Variants in TCEAL1 observed in about 807,000 individuals in gnomAD.
The protein encoded by TCEAL1 is transcription elongation factor A protein-like 1.
For missense variants in TCEAL1, 82 were observed against 125.9 expected, an observed-to-expected ratio of 0.65 and a Z score of 1.67; for synonymous variants, 48 against 46.0, an observed-to-expected ratio of 1.04 and a Z score of -0.17.
At position 103,630,605 on chromosome X, in the gene TCEAL1, C is replaced by T; in HGVS notation, c.*209C>T. On this transcript the variant is annotated 3_prime_UTR_variant, in exon 3 of 3. Transcript: ENST00000372625. ...TTCCCTCTTTCAGTCATGAGCCCTA[C>T]ACATTTGCATGAAAGATGTACATTA... 2 of 405,744 alleles carry T rather than the reference C, an allele frequency of 4.9e-6. No individual in the cohort carries two copies. Among genetic ancestry groups the T allele is most frequent in the South Asian group, 6.4e-5 (1 of 15,720 alleles). The allele number at this position is 405,744 out of a possible 1,213,427, so 33.4% of individuals were successfully genotyped here.
Position 103,630,156 on chromosome X carries a change from G to A in TCEAL1, c.240G>A (p.Glu80=). The part of the protein sequence containing the change: ...QEGLSRKDLF[E]GRPPMEQPPC... ...GTCTTTCCAGGAAGGACCTGTTTGA[G>A]GGGCGCCCTCCCATGGAGCAGCCTC... Residue 80 remains glutamate (E), a synonymous_variant, in exon 3 of 3, where the codon GAG becomes GAA. Transcript: ENST00000372625. The A allele has an allele frequency of 8.3e-7, 1 of 1,211,979 alleles. No individual in the cohort carries two copies. The highest frequency in any genetic ancestry group is 1.8e-5 in the South Asian group (1 of 56,983).
Position 103,629,873 on chromosome X carries a change from T to A in TCEAL1, c.-32-12T>A, listed in dbSNP as rs1305289856. ...GTATTCTGACTCTATTCTGCCTTTCTTGTCTCCTAAGAATAACTGTGCTTG... is the reference window on the plus strand; with the variant it reads ...GTATTCTGACTCTATTCTGCCTTTCATGTCTCCTAAGAATAACTGTGCTTG... On this transcript the variant is annotated splice_polypyrimidine_tract_variant and intron_variant, in intron 2 of 2. Coordinates refer to ENST00000372625, the MANE Select transcript of TCEAL1 (RefSeq NM_004780.3). 1 of 1,104,457 alleles carries A rather than the reference T, an allele frequency of 9.1e-7. No homozygotes were observed. The highest frequency in any genetic ancestry group is 2.3e-5 in the South Asian group (1 of 43,647). 91.0% of individuals were successfully genotyped at this position (1,104,457 alleles called of 1,213,427 possible).
rs2073721060 is a variant in TCEAL1 at position 103,630,910 on chromosome X, G to A, written c.*514G>A. The A allele has an allele frequency of 8.1e-6, 1 of 123,234 alleles. No individual in the cohort carries two copies. Among genetic ancestry groups the A allele is most frequent in the African/African-American group, 3.3e-5 (1 of 30,726 alleles). The allele number at this position is 123,234 out of a possible 1,213,427, so 10.2% of individuals were successfully genotyped here. On this transcript the variant is annotated 3_prime_UTR_variant, in exon 3 of 3. Transcript: ENST00000372625. Reference sequence around the variant, plus strand: ...AGAAAACTGTCAATCAGCTTATAACGACAATGTGGCACTTAATAAATACTT... The same window carrying A: ...AGAAAACTGTCAATCAGCTTATAACAACAATGTGGCACTTAATAAATACTT...
chrX:103,630,219 C>T lies in TCEAL1; in HGVS notation c.303C>T (p.Ser101=). 7 of 1,211,823 alleles carry T rather than the reference C, an allele frequency of 5.8e-6. No individual in the cohort carries two copies. The highest frequency in any genetic ancestry group is 7.8e-6 in the Non-Finnish European group (7 of 895,530). ...GVGKHKLEEG[S]FKERLARSRP... ...GAAAACATAAGCTTGAAGAAGGAAG[C>T]TTTAAAGAAAGGTTGGCTCGTTCTC... The change falls in exon 3 of 3, where the codon AGC becomes AGT. Residue 101 remains serine, a synonymous_variant. Transcript: ENST00000372625.
upstream of TCEAL1, chrX:103,628,826 G>T: frequency 1.8e-5 from 2 of 111,482 alleles, no homozygotes; most frequent in Non-Finnish European, 3.8e-5. Context: ...TCTCGGGTCA[G>T]AGAACACTAG....
chrX:103,630,599 G>C lies in TCEAL1; in HGVS notation c.*203G>C, dbSNP rs1309564413. The C allele has an allele frequency of 2.6e-5, 11 of 420,560 alleles. 1 individual carries two copies. The East Asian group carries it at 4.2e-4, about 16-fold the overall frequency. The allele number at this position is 420,560 out of a possible 1,213,427, so 34.7% of individuals were successfully genotyped here. On this transcript the variant is annotated 3_prime_UTR_variant, in exon 3 of 3. Coordinates refer to ENST00000372625, the MANE Select transcript of TCEAL1 (RefSeq NM_004780.3). Reference sequence around the variant, plus strand: ...ACAAGTTTCCCTCTTTCAGTCATGAGCCCTACACATTTGCATGAAAGATGT... The same window carrying C: ...ACAAGTTTCCCTCTTTCAGTCATGACCCCTACACATTTGCATGAAAGATGT...
chrX:103,629,723 C>G, intron 2 of TCEAL1, 150 bp downstream of exon 2: 1 of 436,866 alleles, frequency 2.3e-6, no homozygotes, highest in Non-Finnish European at 3.6e-6. Flanking sequence ...AGGGGGCGAC[C>G]GGGAAGCGGC....
At position 103,629,922 on chromosome X, in the gene TCEAL1, C is replaced by T. The variant is rs184713983; in HGVS notation, c.6C>T (p.Asp2=). The T allele has an allele frequency of 9.3e-4, 1,053 of 1,133,750 alleles. No individual in the cohort carries two copies. Among genetic ancestry groups the T allele is most frequent in the Admixed American group, 1.9e-3 (62 of 31,819 alleles). 93.4% of individuals were successfully genotyped at this position (1,133,750 alleles called of 1,213,427 possible). The part of the protein sequence containing the change: M[D]KPRKENEEEP... ...TGAAGAAGAAAATTCCCAACATGGA[C>T]AAACCACGCAAAGAAAATGAAGAAG... Residue 2 remains aspartate (D), a synonymous_variant, in exon 3 of 3, where the codon GAC becomes GAT. Transcript: ENST00000372625.
chrX:103,630,143 A>T lies in TCEAL1; in HGVS notation c.227A>T (p.Lys76Met). ...ERPPQEGLSR[K>M]DLFEGRPPME... ...CCTCCGCAGGAGGGTCTTTCCAGGA[A>T]GGACCTGTTTGAGGGGCGCCCTCCC... The change falls in exon 3 of 3, where the codon AAG (lysine) becomes ATG (methionine). Residue 76 changes from lysine to methionine, a missense_variant. Lys to Met is a moderately conservative substitution (Grantham distance 95). Coordinates refer to ENST00000372625, the MANE Select transcript of TCEAL1 (RefSeq NM_004780.3). 2 of 1,209,742 alleles carry T rather than the reference A, an allele frequency of 1.7e-6. No individual in the cohort carries two copies. The highest frequency in any genetic ancestry group is 1.1e-6 in the Non-Finnish European group (1 of 894,997).
chrX:103,629,124 T>A (rs2073706226), intron 1 of TCEAL1, 99 bp downstream of exon 1: 1 of 112,206 alleles, frequency 8.9e-6, no homozygotes, highest in Non-Finnish European at 1.9e-5. Flanking sequence ...AGTCCAGGCC[T>A]TTCCCTAAGC....
chrX:103,630,319 G>C lies in TCEAL1; in HGVS notation c.403G>C (p.Glu135Gln), dbSNP rs1324833971. ...EEMIQAADELEEMKRVRNKLM... is the reference protein window; with the variant it reads ...EEMIQAADELQEMKRVRNKLM... ...GATGATACAGGCAGCAGATGAGCTA[G>C]AAGAGATGAAAAGAGTAAGAAACAA... The change falls in exon 3 of 3, where the codon GAA becomes CAA. Residue 135 changes from glutamate (E) to glutamine (Q), a missense_variant. Coordinates refer to ENST00000372625, the MANE Select transcript of TCEAL1 (RefSeq NM_004780.3). 1 of 1,210,602 alleles carries C rather than the reference G, an allele frequency of 8.3e-7. No individual in the cohort carries two copies. Among genetic ancestry groups the C allele is most frequent in the African/African-American group, 1.7e-5 (1 of 57,342 alleles).
rs147481649 is a variant in TCEAL1, at chrX:103,629,913, C to T, written c.-4C>T. ...AACTGTGCTTGAAGAAGAAAATTCC[C>T]AACATGGACAAACCACGCAAAGAAA... On this transcript the variant is annotated 5_prime_UTR_variant, in exon 3 of 3. Transcript: ENST00000372625. The T allele has an allele frequency of 1.5e-3, 1,709 of 1,126,866 alleles. 23 individuals carry two copies. The African/African-American group carries it at 0.028, about 19-fold the overall frequency. 92.9% of individuals were successfully genotyped at this position (1,126,866 alleles called of 1,213,427 possible).
upstream of TCEAL1, chrX:103,628,969 T>C (rs1456880484): frequency 8.9e-6 from 1 of 111,943 alleles, no homozygotes. Context: ...CCCGGTCTTT[T>C]TTTTGCCTGT....
rs1180492071 is a variant in TCEAL1 at position 103,630,753 on chromosome X, A to G, written c.*357A>G. On this transcript the variant is annotated 3_prime_UTR_variant, in exon 3 of 3. Transcript: ENST00000372625. ...AGCTAAAAGTATAGACTTCAAAGGC[A>G]TAACAGTGGTTGTGTGGTAAGATAA... 7.6e-6 allele frequency: 1 copy of G among 130,826 alleles called. No homozygotes were observed. The highest frequency in any genetic ancestry group is 1.7e-5 in the Non-Finnish European group (1 of 58,277). The allele number at this position is 130,826 out of a possible 1,213,427, so 10.8% of individuals were successfully genotyped here. A position where few individuals can be genotyped will look rare whatever the true frequency, so the allele number is the denominator to read the frequency against.
rs1305701767 is a variant in TCEAL1, at chrX:103,629,875, G to A, written c.-32-10G>A. 1 of 1,104,230 alleles carries A rather than the reference G, an allele frequency of 9.1e-7. No individual in the cohort carries two copies. Among genetic ancestry groups the A allele is most frequent in the South Asian group, 2.3e-5 (1 of 43,558 alleles). 91.0% of individuals were successfully genotyped at this position (1,104,230 alleles called of 1,213,427 possible). ...ATTCTGACTCTATTCTGCCTTTCTT[G>A]TCTCCTAAGAATAACTGTGCTTGAA... On this transcript the variant is annotated splice_polypyrimidine_tract_variant and intron_variant, in intron 2 of 2. Transcript: ENST00000372625.
chrX:103,629,699 G>A, intron 2 of TCEAL1, 126 bp downstream of exon 2: 1 of 399,079 alleles, frequency 2.5e-6, no homozygotes, highest in African/African-American at 2.5e-5. Flanking sequence ...GAAAATGGTG[G>A]GCTTTCGGGA....
chrX:103,630,600 C>T lies in TCEAL1; in HGVS notation c.*204C>T, dbSNP rs1046166664. 5.0e-6 allele frequency: 2 copies of T among 402,781 alleles called. No individual in the cohort carries two copies. Among genetic ancestry groups the T allele is most frequent in the African/African-American group, 5.1e-5 (2 of 39,147 alleles). 33.2% of individuals were successfully genotyped at this position (402,781 alleles called of 1,213,427 possible). A position where few individuals can be genotyped will look rare whatever the true frequency, so the allele number is the denominator to read the frequency against. ...CAAGTTTCCCTCTTTCAGTCATGAG[C>T]CCTACACATTTGCATGAAAGATGTA... On this transcript the variant is annotated 3_prime_UTR_variant, in exon 3 of 3. Transcript: ENST00000372625.
Position 103,629,024 on chromosome X carries a change from A to C in TCEAL1, c.-114A>C, listed in dbSNP as rs964316381. On this transcript the variant is annotated splice_region_variant and 5_prime_UTR_variant, in exon 1 of 3. Coordinates refer to ENST00000372625, the MANE Select transcript of TCEAL1 (RefSeq NM_004780.3). The stretch of plus-strand genomic sequence containing the variant: ...CTTTGGTCGAGAGGGAAAGCAGAAG[A>C]AGTAAGTTCCCTCTACCCTCTTAAA... 1.8e-5 allele frequency: 2 copies of C among 111,533 alleles called. No homozygotes were observed. Among genetic ancestry groups the C allele is most frequent in the African/African-American group, 6.5e-5 (2 of 30,646 alleles). 9.2% of individuals were successfully genotyped at this position (111,533 alleles called of 1,213,427 possible). A position where few individuals can be genotyped will look rare whatever the true frequency, so the allele number is the denominator to read the frequency against.
chrX:103,630,582 C>T lies in TCEAL1; in HGVS notation c.*186C>T. The T allele has an allele frequency of 2.1e-6, 1 of 480,948 alleles. No individual in the cohort carries two copies. Among genetic ancestry groups the T allele is most frequent in the Non-Finnish European group, 3.3e-6 (1 of 298,961 alleles). 39.6% of individuals were successfully genotyped at this position (480,948 alleles called of 1,213,427 possible). A position where few individuals can be genotyped will look rare whatever the true frequency, so the allele number is the denominator to read the frequency against. ...GTTTCCCCCTAAAATCTACAAGTTT[C>T]CCTCTTTCAGTCATGAGCCCTACAC... On this transcript the variant is annotated 3_prime_UTR_variant, in exon 3 of 3. Transcript: ENST00000372625.
Sources: allele counts gnomAD v4.1 joint callset, GRCh38; gene constraint gnomAD v4.1.1; transcripts MANE v1.5; gene names NCBI Gene and HGNC (gene_info 2026-07-23, HGNC 2026-07-21).